Variants in FTSJ3 observed in about 807,000 individuals in gnomAD.
FTSJ3 encodes pre-rRNA 2'-O-ribose RNA methyltransferase FTSJ3.
In FTSJ3, 46 loss-of-function variants were observed where a neutral mutation model predicts 111.5. The observed-to-expected ratio is 0.41, with a 90% CI of 0.33 to 0.53. The LOEUF (loss-of-function observed/expected upper bound fraction) is 0.53. FTSJ3 is among the 20% of genes least tolerant of loss of function. The probability of loss-of-function intolerance (pLI) is 0.19; values close to 1 mark genes in which losing one functional copy is unlikely to be tolerated. For synonymous variants in FTSJ3, 408 were observed against 383.0 expected, an observed-to-expected ratio of 1.07 and a Z score of -0.76; for missense variants, 1,075 against 1,063.8, an observed-to-expected ratio of 1.01 and a Z score of -0.15.
rs2040119169 is a variant in FTSJ3 at position 63,827,356 on chromosome 17, T to C, written c.-331A>G. 8 of 1,209,564 alleles carry C rather than the reference T, an allele frequency of 6.6e-6. No individual in the cohort carries two copies. The South Asian group carries it at 6.8e-5, about 10-fold the overall frequency. The allele number at this position is 1,209,564 out of a possible 1,614,324, so 74.9% of individuals were successfully genotyped here. On this transcript the variant is annotated 5_prime_UTR_variant, in exon 1 of 21. Coordinates refer to ENST00000427159, the MANE Select transcript of FTSJ3 (RefSeq NM_017647.4). ...GCCGCCCCTCCCATCATGGTTCCCT[T>C]AGTGTGGTCTCGCCGCACACCCCGC...
rs537954056 is a variant in FTSJ3, at chr17:63,827,149, T to C, written c.-124A>G. 3.1e-5 allele frequency: 19 copies of C among 606,138 alleles called. No homozygotes were observed. The East Asian group carries it at 4.4e-4, about 14-fold the overall frequency. 37.5% of individuals were successfully genotyped at this position (606,138 alleles called of 1,614,324 possible). ...CGTCCCCTGCGTCCCTGGCTCGAGG[T>C]TTTCCGCCATTTTGAGTGTGGCCCT... On this transcript the variant is annotated 5_prime_UTR_variant, in exon 1 of 21. Coordinates refer to ENST00000427159, the MANE Select transcript of FTSJ3 (RefSeq NM_017647.4).
Position 63,819,557 on chromosome 17 carries a change from T to TA in FTSJ3, c.*244dup. ...AACACCGAACTTCCCTTTAACGGTT[T>TA]AAAAAAAGGGTCATGAGTGTCAACA... On this transcript the variant is annotated 3_prime_UTR_variant, in exon 21 of 21. Coordinates refer to ENST00000427159, the MANE Select transcript of FTSJ3 (RefSeq NM_017647.4). 4 of 466,574 alleles carry TA rather than the reference T, an allele frequency of 8.6e-6. No homozygotes were observed. The highest frequency in any genetic ancestry group is 4.5e-5 in the South Asian group (1 of 22,006). The allele number at this position is 466,574 out of a possible 1,614,324, so 28.9% of individuals were successfully genotyped here. A position where few individuals can be genotyped will look rare whatever the true frequency, so the allele number is the denominator to read the frequency against.
chr17:63,820,921 C>A lies in FTSJ3; in HGVS notation c.1990G>T (p.Asp664Tyr). 6.2e-7 allele frequency: 1 copy of A among 1,614,168 alleles called. No homozygotes were observed. The highest frequency in any genetic ancestry group is 8.5e-7 in the Non-Finnish European group (1 of 1,180,026). The stretch of plus-strand genomic sequence containing the variant: ...GCACCTAGAGCAAGGCCTTCGGGGT[C>A]CAGTATCCGATGTTTCGCTAGAGAG... ...IEDPAKHRIL[D>Y]PEGLALGAVI... The change falls in exon 18 of 21, where the codon GAC becomes TAC. Residue 664 changes from aspartate to tyrosine, a missense_variant. Physicochemically the swap from Asp to Tyr is radical, Grantham distance 160 (BLOSUM62 -3). Around this residue, in one of 2 missense-constraint regions of FTSJ3, gnomAD observed 867 missense variants for 796.9 expected, o/e 1.09. Coordinates refer to ENST00000427159, the MANE Select transcript of FTSJ3 (RefSeq NM_017647.4).
chr17:63,820,875 T>A lies in FTSJ3; in HGVS notation c.2036A>T (p.Lys679Met), dbSNP rs768950577. 5 of 1,613,868 alleles carry A rather than the reference T, an allele frequency of 3.1e-6. No homozygotes were observed. Among genetic ancestry groups the A allele is most frequent in the Non-Finnish European group, 4.2e-6 (5 of 1,179,720 alleles). The change falls in exon 18 of 21, where the codon AAG (lysine) becomes ATG (methionine). Residue 679 changes from lysine (K) to methionine (M), a missense_variant. Physicochemically the swap from Lys to Met is moderately conservative, Grantham distance 95. This residue lies in a region of FTSJ3 where 867 missense variants were observed against 796.9 expected (regional missense o/e 1.09). Coordinates refer to ENST00000427159, the MANE Select transcript of FTSJ3 (RefSeq NM_017647.4). ...ALGAVIASSK[K>M]AKRDLIDNSF... ...GTTATCTATGAGGTCTCTCTTGGCC[T>A]TTTTGGAAGAGGCAATAACAGCACC...
intron 5 of FTSJ3, 112 bp from the exon 6 acceptor site, chr17:63,825,747 A>G: frequency 1.2e-6 from 1 of 847,808 alleles, no homozygotes; most frequent in Non-Finnish European, 1.9e-6. Flanking sequence ...ATGCAGTACC[A>G]GGCACAGGAG....
rs1156511875 is a variant in FTSJ3 at position 63,821,889 on chromosome 17, T to C, written c.1476-46A>G. On this transcript the variant is annotated intron_variant, in intron 14 of 20. Coordinates refer to ENST00000427159, the MANE Select transcript of FTSJ3 (RefSeq NM_017647.4). ...AGGGGGCTCAGAGACCCAGATTGCC[T>C]GGAGCCCTTGCTGCCCTACTCAGGC... The C allele has an allele frequency of 4.3e-6, 7 of 1,613,882 alleles. No individual in the cohort carries two copies. In the East Asian group the frequency reaches 1.6e-4, roughly 36 times the overall value.
Position 63,826,391 on chromosome 17 carries a change from C to T in FTSJ3, c.174-87G>A, listed in dbSNP as rs2040104392. On this transcript the variant is annotated intron_variant, in intron 3 of 20. Transcript: ENST00000427159. ...TCTCTCATCCCTGGTGTTACGTGTA[C>T]TGGCCAAAGCATATCATAGGCACGT... The T allele has an allele frequency of 3.8e-6, 5 of 1,326,652 alleles. No individual in the cohort carries two copies. The African/African-American group carries it at 5.8e-5, about 15-fold the overall frequency. 82.2% of individuals were successfully genotyped at this position (1,326,652 alleles called of 1,614,324 possible).
In FTSJ3 at chr17:63,827,094, T is replaced by C; in HGVS notation, c.-69A>G. 5 of 554,398 alleles carry C rather than the reference T, an allele frequency of 9.0e-6. No individual in the cohort carries two copies. The South Asian group carries it at 1.0e-4, about 11-fold the overall frequency. 34.3% of individuals were successfully genotyped at this position (554,398 alleles called of 1,614,324 possible). A position where few individuals can be genotyped will look rare whatever the true frequency, so the allele number is the denominator to read the frequency against. ...TTCTCCACACTTGGAACCGCACAAG[T>C]ATGCAGCTAACTACTTCCGCTTCCG... On this transcript the variant is annotated 5_prime_UTR_variant, in exon 1 of 21. The change creates a new upstream start codon in the 5' untranslated region. Coordinates refer to ENST00000427159, the MANE Select transcript of FTSJ3 (RefSeq NM_017647.4).
Position 63,819,923 on chromosome 17 carries a change from C to G in FTSJ3, c.2423G>C (p.Gly808Ala), listed in dbSNP as rs1279734350. 1 of 1,614,082 alleles carries G rather than the reference C, an allele frequency of 6.2e-7. No individual in the cohort carries two copies. Among genetic ancestry groups the G allele is most frequent in the African/African-American group, 1.3e-5 (1 of 74,924 alleles). The part of the protein sequence containing the change: ...VTYVVAKKGV[G>A]RKVRRPAGVR... ...TCCAGCTGGCCGGCGCACTTTGCGG[C>G]CCACACCTTTTTTGGCTACAACGTA... The change falls in exon 21 of 21, where the codon GGC becomes GCC. Residue 808 changes from glycine to alanine, a missense_variant. Gly to Ala is a moderately conservative substitution (Grantham distance 60). Around this residue, in one of 2 missense-constraint regions of FTSJ3, gnomAD observed 867 missense variants for 796.9 expected, o/e 1.09. Transcript: ENST00000427159.
chr17:63,827,367 C>T lies in FTSJ3; in HGVS notation c.-342G>A, dbSNP rs926078495. 13 of 1,371,436 alleles carry T rather than the reference C, an allele frequency of 9.5e-6. No individual in the cohort carries two copies. The African/African-American group carries it at 1.6e-4, about 17-fold the overall frequency. 85.0% of individuals were successfully genotyped at this position (1,371,436 alleles called of 1,614,324 possible). A position where few individuals can be genotyped will look rare whatever the true frequency, so the allele number is the denominator to read the frequency against. ...CATCATGGTTCCCTTAGTGTGGTCTCGCCGCACACCCCGCCCATTGACCCG... is the reference window on the plus strand; with the variant it reads ...CATCATGGTTCCCTTAGTGTGGTCTTGCCGCACACCCCGCCCATTGACCCG... On this transcript the variant is annotated 5_prime_UTR_variant, in exon 1 of 21. Coordinates refer to ENST00000427159, the MANE Select transcript of FTSJ3 (RefSeq NM_017647.4).
rs1260013556 is a variant in FTSJ3, at chr17:63,823,487, C to A, written c.1290+330G>T. The A allele has an allele frequency of 5.0e-5, 10 of 199,792 alleles. No individual in the cohort carries two copies. The East Asian group carries it at 1.3e-3, about 25-fold the overall frequency. The allele number at this position is 199,792 out of a possible 1,614,324, so 12.4% of individuals were successfully genotyped here. On this transcript the variant is annotated intron_variant, in intron 13 of 20. Coordinates refer to ENST00000427159, the MANE Select transcript of FTSJ3 (RefSeq NM_017647.4). ...GTAGGCGCCTGTTGTCCCAGCTACTCGGGAGGCTGAGGCAGGAGAATGGTG... is the reference window on the plus strand; with the variant it reads ...GTAGGCGCCTGTTGTCCCAGCTACTAGGGAGGCTGAGGCAGGAGAATGGTG...
chr17:63,827,629 C>A lies in FTSJ3; in HGVS notation c.-604G>T. 6.5e-7 allele frequency: 1 copy of A among 1,543,442 alleles called. No homozygotes were observed. Among genetic ancestry groups the A allele is most frequent in the Non-Finnish European group, 8.7e-7 (1 of 1,143,048 alleles). ...GTCGGGTGGGTCGGAGGTGCCTGGA[C>A]CAGTCCATGCTGGACGCTGCCTGCG... On this transcript the variant is annotated 5_prime_UTR_variant, in exon 1 of 21. Transcript: ENST00000427159.
rs769358833 is a variant in FTSJ3 at position 63,824,155 on chromosome 17, T to C, written c.1083A>G (p.Glu361=). Residue 361 remains glutamate (E), a synonymous_variant, in exon 12 of 21, where the codon GAA becomes GAG. Coordinates refer to ENST00000427159, the MANE Select transcript of FTSJ3 (RefSeq NM_017647.4). ...GGTTCAGTTGTTCCTCCTCCTCCTC[T>C]TCCTCCTCCTCCTTAGAGGGCTGCT... ...TTKQPSKEEE[E]EEEEEQLNQT... The C allele has an allele frequency of 1.5e-5, 24 of 1,613,554 alleles. No homozygotes were observed. The highest frequency in any genetic ancestry group is 6.6e-5 in the South Asian group (6 of 91,078).
intron 13 of FTSJ3, among the ~76,000 whole-genome samples, chr17:63,823,315 G>C (rs1346046325): frequency 2.0e-5 from 3 of 152,174 alleles, no homozygotes; most frequent in Non-Finnish European, 4.4e-5. Flanking sequence ...AAATCTATCA[G>C]CCGGGCGCGG....
In FTSJ3 at chr17:63,819,664, C is replaced by G; in HGVS notation, c.*138G>C. ...TCTGCTCAGGACCACCACGGGAGTT[C>G]TAGGCACTCCACCTCACTGTTCTTC... is the stretch of plus-strand genomic sequence containing the variant. On this transcript the variant is annotated 3_prime_UTR_variant, in exon 21 of 21. Coordinates refer to ENST00000427159, the MANE Select transcript of FTSJ3 (RefSeq NM_017647.4). 1.3e-6 allele frequency: 1 copy of G among 795,882 alleles called. No homozygotes were observed. The highest frequency in any genetic ancestry group is 1.8e-5 in the South Asian group (1 of 56,838). 49.3% of individuals were successfully genotyped at this position (795,882 alleles called of 1,614,324 possible).
intron 13 of FTSJ3, chr17:63,823,519 T>C (rs1165599423): frequency 4.2e-5 from 11 of 263,454 alleles, no homozygotes; most frequent in Non-Finnish European, 7.3e-6. Flanking sequence ...GGTGTGAACC[T>C]GGAAGGTGGA....
Position 63,827,378 on chromosome 17 carries a change from C to A in FTSJ3, c.-353G>T. On this transcript the variant is annotated 5_prime_UTR_variant, in exon 1 of 21. Coordinates refer to ENST00000427159, the MANE Select transcript of FTSJ3 (RefSeq NM_017647.4). ...CCTTAGTGTGGTCTCGCCGCACACC[C>A]CGCCCATTGACCCGGAATTCTTCTC... 2 of 1,461,924 alleles carry A rather than the reference C, an allele frequency of 1.4e-6. No homozygotes were observed. Among genetic ancestry groups the A allele is most frequent in the Non-Finnish European group, 1.9e-6 (2 of 1,067,864 alleles). 90.6% of individuals were successfully genotyped at this position (1,461,924 alleles called of 1,614,324 possible).
rs140736206 is a variant in FTSJ3 at position 63,826,601 on chromosome 17, C to A, written c.139G>T (p.Ala47Ser). 61 of 1,614,014 alleles carry A rather than the reference C, an allele frequency of 3.8e-5. No individual in the cohort carries two copies. The African/African-American group carries it at 8.0e-4, about 21-fold the overall frequency. ...RRFQFLQKAR[A>S]LLDLCAAPGG... is the part of the protein sequence containing the mutation. ...GGCGCAGCACACAGGTCCAGCAAGG[C>A]TCGGGCTTTCTGCAGGAACTGAAAG... The change falls in exon 3 of 21, where the codon GCC becomes TCC. Residue 47 changes from alanine to serine, a missense_variant. Coordinates refer to ENST00000427159, the MANE Select transcript of FTSJ3 (RefSeq NM_017647.4).
rs776883705 is a variant in FTSJ3 at position 63,820,005 on chromosome 17, G to T, written c.2352-11C>A. The T allele has an allele frequency of 2.5e-6, 4 of 1,613,806 alleles. No homozygotes were observed. Among genetic ancestry groups the T allele is most frequent in the African/African-American group, 1.3e-5 (1 of 74,898 alleles). Reference sequence around the variant, plus strand: ...GCCTTCTTGTAGAGACTACAGGGGGGAAGAGAAGAGGTTAGAGGCTTGCTT... The same window carrying T: ...GCCTTCTTGTAGAGACTACAGGGGGTAAGAGAAGAGGTTAGAGGCTTGCTT... On this transcript the variant is annotated splice_polypyrimidine_tract_variant and intron_variant, in intron 20 of 20. Coordinates refer to ENST00000427159, the MANE Select transcript of FTSJ3 (RefSeq NM_017647.4).
Sources: allele counts gnomAD v4.1 joint callset (sites outside exome capture counted in the v4.1 genomes callset), GRCh38; gene constraint gnomAD v4.1.1; regional missense constraint gnomAD v4.1.1; transcripts MANE v1.5; gene names NCBI Gene and HGNC (gene_info 2026-07-23, HGNC 2026-07-21).